The following CALCRL variants were observed in gnomAD, a reference collection of about 807,000 sequenced individuals.
CALCRL encodes calcitonin receptor like receptor, also known as calcitonin gene-related peptide type 1 receptor.
CALCRL carries 27 observed loss-of-function variants against 60.4 expected under a neutral mutation model. That is an observed-to-expected ratio of 0.45 (90% CI 0.33 to 0.62). CALCRL has a LOEUF of 0.62. CALCRL is among the 20% of genes least tolerant of loss of function. The pLI is 0.03. For missense variants in CALCRL, 424 were observed against 540.7 expected (o/e 0.78, Z 2.14); for synonymous variants, 190 against 182.6 (o/e 1.04, Z -0.33).
rs546855723 is a variant in CALCRL at position 187,427,995 on chromosome 2, T to G, written c.-293+20044A>C. ...AGTCTACTGTCTGTGTGAGTGAAAT[T>G]TTTTACAGAGATCAACACCAGGGCT... is the stretch of plus-strand genomic sequence containing the variant. On this transcript the variant is annotated intron_variant, in intron 1 of 14. Coordinates refer to ENST00000392370, the MANE Select transcript of CALCRL (RefSeq NM_005795.6). Among the ~76,000 whole-genome samples the G allele has an allele frequency of 2.0e-5, 3 of 149,914 alleles. No individual in the cohort carries two copies. In the East Asian group the frequency reaches 6.0e-4, roughly 30 times the overall value.
rs144740510 is a variant in CALCRL at position 187,363,320 on chromosome 2, T to C, written c.627+56A>G. The C allele has an allele frequency of 1.9e-4, 302 of 1,550,354 alleles. 1 individual carries two copies. Among genetic ancestry groups the C allele is most frequent in the Middle Eastern group, 1.4e-3 (8 of 5,774 alleles). On this transcript the variant is annotated intron_variant, in intron 9 of 14. Coordinates refer to ENST00000392370, the MANE Select transcript of CALCRL (RefSeq NM_005795.6). ...ATACACATTATGCATATATCAGCCA[T>C]GTTCCCCCTTTCCCATTAGGCCCTT...
chr2:187,414,974 C>T (rs1214559601), intron 1 of CALCRL, among the ~76,000 whole-genome samples: 1 of 150,600 alleles, frequency 6.6e-6, no homozygotes, highest in Non-Finnish European at 1.5e-5. Context: ...ACAAGAAATA[C>T]ATTTTCTTTG....
intron 1 of CALCRL, among the ~76,000 whole-genome samples, chr2:187,420,987 G>A (rs544054623): frequency 2.0e-5 from 3 of 152,220 alleles, no homozygotes; most frequent in African/African-American, 2.4e-5. Context: ...AATAATTTAC[G>A]TGTTGCCTTT....
At chr2:187,427,600 TATC>T (rs1690203091) in intron 1 of CALCRL, among the ~76,000 whole-genome samples, 1 of 152,168 alleles carries the variant, frequency 6.6e-6, no homozygotes, top group Non-Finnish European at 1.5e-5. Flanking sequence ...ATTACATTGG[TATC>T]ATAATTCCTC....
intron 1 of CALCRL, among the ~76,000 whole-genome samples, chr2:187,400,994 T>C (rs1230463301): frequency 6.6e-6 from 1 of 151,466 alleles, no homozygotes; most frequent in African/African-American, 2.4e-5. Context: ...AACCATTGAA[T>C]TGTATTCTTT....
chr2:187,387,635 C>T (rs780277945), intron 2 of CALCRL, 31 bp downstream of exon 2: 5 of 394,890 alleles, frequency 1.3e-5, no homozygotes, highest in African/African-American at 2.1e-5. Context: ...TTAAATTTTA[C>T]CATGAGAAAA....
intron 1 of CALCRL, among the ~76,000 whole-genome samples, chr2:187,416,150 T>A (rs1050156278): frequency 6.6e-6 from 1 of 152,206 alleles, no homozygotes; most frequent in Non-Finnish European, 1.5e-5. Flanking sequence ...ATATATTAAT[T>A]GGATAGACTT....
At chr2:187,429,659 C>T (rs1175439970) in intron 1 of CALCRL, among the ~76,000 whole-genome samples, 1 of 152,102 alleles carries the variant, frequency 6.6e-6, no homozygotes, top group Non-Finnish European at 1.5e-5. Context: ...ATTTTTTCTA[C>T]CTCTTTCTTG....
At position 187,346,459 on chromosome 2, in the gene CALCRL, C is replaced by G; in HGVS notation, c.1171-60G>C. 1.6e-6 allele frequency: 2 copies of G among 1,241,210 alleles called. 1 individual carries two copies. The highest frequency in any genetic ancestry group is 2.3e-6 in the Non-Finnish European group (2 of 880,994). 76.9% of individuals were successfully genotyped at this position (1,241,210 alleles called of 1,614,324 possible). On this transcript the variant is annotated intron_variant, in intron 14 of 14. Coordinates refer to ENST00000392370, the MANE Select transcript of CALCRL (RefSeq NM_005795.6). The stretch of plus-strand genomic sequence containing the variant: ...CAACCCATTAATTGAAATGAAGACA[C>G]TGTTTTTGAAGCACAATTAAATAGG...
At chr2:187,378,435 A>C (rs1405168850) in intron 8 of CALCRL, among the ~76,000 whole-genome samples, 1 of 152,200 alleles carries the variant, frequency 6.6e-6, no homozygotes, top group Non-Finnish European at 1.5e-5. Context: ...AGTGAATTAC[A>C]AGTAAAATTG....
At chr2:187,430,105 T>G (rs902275747) in intron 1 of CALCRL, among the ~76,000 whole-genome samples, 2 of 152,204 alleles carry the variant, frequency 1.3e-5, no homozygotes, top group Non-Finnish European at 1.5e-5. Context: ...AAAATCCATC[T>G]GTCAGATATA....
chr2:187,389,993 T>A (rs1316019398), intron 1 of CALCRL, among the ~76,000 whole-genome samples: 1 of 152,158 alleles, frequency 6.6e-6, no homozygotes, highest in Non-Finnish European at 1.5e-5. Context: ...TAAAGTACTT[T>A]AGGATCCTAA....
intron 1 of CALCRL, among the ~76,000 whole-genome samples, chr2:187,413,619 C>T (rs1689462746): frequency 1.3e-5 from 2 of 152,084 alleles, no homozygotes; most frequent in South Asian, 4.1e-4. Context: ...TATAGAAAAA[C>T]TCTGCAAAGT....
intron 1 of CALCRL, among the ~76,000 whole-genome samples, chr2:187,410,498 C>G (rs1689311382): frequency 2.0e-5 from 3 of 151,976 alleles, no homozygotes; most frequent in East Asian, 3.9e-4. Flanking sequence ...CTGTAAACCT[C>G]TTGTTTTGAA....
At chr2:187,429,179 A>AT (rs1205315193) in intron 1 of CALCRL, among the ~76,000 whole-genome samples, 1 of 151,098 alleles carries the variant, frequency 6.6e-6, no homozygotes, top group Non-Finnish European at 1.5e-5. Context: ...TTCCCTTTAT[A>AT]TTTTTTTTAT....
At chr2:187,408,069 A>G (rs1318691618) in intron 1 of CALCRL, among the ~76,000 whole-genome samples, 3 of 152,018 alleles carry the variant, frequency 2.0e-5, no homozygotes, top group Admixed American at 1.3e-4. Context: ...CTAGATTCTC[A>G]AGGTCCTTTT....
chr2:187,376,970 G>A (rs1574246905), intron 8 of CALCRL, among the ~76,000 whole-genome samples: 1 of 151,920 alleles, frequency 6.6e-6, no homozygotes, highest in African/African-American at 2.4e-5. Context: ...GTCTACTATC[G>A]TTAATTGCAA....
intron 1 of CALCRL, among the ~76,000 whole-genome samples, chr2:187,446,953 AG>A (rs1259146832): frequency 6.6e-6 from 1 of 151,966 alleles, no homozygotes; most frequent in Non-Finnish European, 1.5e-5. Flanking sequence ...AATTGCATTT[AG>A]GTAAGAAAAT....
intron 1 of CALCRL, among the ~76,000 whole-genome samples, chr2:187,445,103 A>G (rs1308698157): frequency 6.6e-6 from 1 of 151,632 alleles, no homozygotes; most frequent in Non-Finnish European, 1.5e-5. Flanking sequence ...AACCAGATAC[A>G]GATAAATGTT....
Sources: gnomAD v4.1 joint callset for allele counts (sites outside exome capture counted in the v4.1 genomes callset) on GRCh38, gnomAD v4.1.1 for gene constraint, MANE v1.5 for transcripts, NCBI Gene and HGNC (gene_info 2026-07-23, HGNC 2026-07-21) for gene names.